The following PGCKA1 variants were observed in gnomAD, a reference collection of about 807,000 sequenced individuals.
PGCKA1 encodes the protein PDCD10 and GCKIII kinases associated 1.
At chr4:37,552,004 C>T in the PGCKA1 span, among the ~76,000 whole-genome samples, 1 of 152,108 alleles carries the variant, frequency 6.6e-6, no homozygotes, top group East Asian at 1.9e-4. Flanking sequence ...GAGATAAACC[C>T]TCTCATATTG....
the PGCKA1 span, among the ~76,000 whole-genome samples, chr4:37,557,689 G>A: frequency 1.3e-3 from 204 of 152,264 alleles, 2 homozygotes; most frequent in Non-Finnish European, 2.2e-3. Flanking sequence ...ATAGTAGATG[G>A]CTTTTGGTTA....
the PGCKA1 span, among the ~76,000 whole-genome samples, chr4:37,511,774 G>A: frequency 1.3e-5 from 2 of 152,186 alleles, no homozygotes; most frequent in South Asian, 4.1e-4. Flanking sequence ...CACTAGTTGG[G>A]TAGGGTACTG....
At chr4:37,503,550 T>C in the PGCKA1 span, among the ~76,000 whole-genome samples, 1 of 152,204 alleles carries the variant, frequency 6.6e-6, no homozygotes, top group Admixed American at 6.5e-5. Flanking sequence ...CTGTTCCTTA[T>C]AGTGGTTGTA....
the PGCKA1 span, among the ~76,000 whole-genome samples, chr4:37,534,375 C>T: frequency 1.3e-5 from 2 of 152,300 alleles, no homozygotes; most frequent in South Asian, 2.1e-4. Flanking sequence ...CTTAAAGCCA[C>T]GCCTTGGACT....
At chr4:37,580,458 G>A in the PGCKA1 span, among the ~76,000 whole-genome samples, 3 of 152,020 alleles carry the variant, frequency 2.0e-5, no homozygotes, top group African/African-American at 7.3e-5. Flanking sequence ...GGACTTGTGT[G>A]TTGTGATCTG....
the PGCKA1 span, among the ~76,000 whole-genome samples, chr4:37,518,454 A>G: frequency 6.6e-6 from 1 of 152,118 alleles, no homozygotes; most frequent in Non-Finnish European, 1.5e-5. Flanking sequence ...TCTTTTTTAT[A>G]CAAGCCATTT....
chr4:37,482,823 C>A, the PGCKA1 span, among the ~76,000 whole-genome samples: 1 of 152,176 alleles, frequency 6.6e-6, no homozygotes, highest in Admixed American at 6.5e-5. Context: ...TGTATCTCAG[C>A]TGCTTAGTTC....
the PGCKA1 span, among the ~76,000 whole-genome samples, chr4:37,563,446 G>A: frequency 8.2e-3 from 1,095 of 133,218 alleles, 4 homozygotes; most frequent in Middle Eastern, 0.022. Flanking sequence ...ATCTTCCCGA[G>A]GTTGCTCAGG....
the PGCKA1 span, among the ~76,000 whole-genome samples, chr4:37,553,368 T>A: frequency 1.3e-5 from 2 of 151,854 alleles, no homozygotes; most frequent in African/African-American, 4.9e-5. Context: ...TTGGAGCTGA[T>A]AAACTTCTTA....
At chr4:37,483,558 T>A in the PGCKA1 span, among the ~76,000 whole-genome samples, 1 of 152,194 alleles carries the variant, frequency 6.6e-6, no homozygotes, top group Non-Finnish European at 1.5e-5. Context: ...TACGGCAAGA[T>A]TTCTATTACT....
the PGCKA1 span, among the ~76,000 whole-genome samples, chr4:37,472,061 C>G: frequency 3.3e-5 from 5 of 152,142 alleles, no homozygotes; most frequent in African/African-American, 4.8e-5. Flanking sequence ...GTTCCTGGAG[C>G]TGTCATCATC....
At chr4:37,478,468 G>A in the PGCKA1 span, among the ~76,000 whole-genome samples, 1 of 152,040 alleles carries the variant, frequency 6.6e-6, no homozygotes, top group African/African-American at 2.4e-5. Flanking sequence ...TTAATTATTT[G>A]GCTGAAGTCC....
At chr4:37,559,737 C>A in the PGCKA1 span, among the ~76,000 whole-genome samples, 1 of 151,942 alleles carries the variant, frequency 6.6e-6, no homozygotes, top group African/African-American at 2.4e-5. Context: ...TGAATACAGA[C>A]CTTCCTTCTC....
chr4:37,523,828 A>G, the PGCKA1 span, among the ~76,000 whole-genome samples: 5 of 152,126 alleles, frequency 3.3e-5, no homozygotes, highest in African/African-American at 1.2e-4. Flanking sequence ...ATGTCCTCAC[A>G]TGGCCTTCCT....
At chr4:37,462,090 A>C in the PGCKA1 span, among the ~76,000 whole-genome samples, 5 of 152,154 alleles carry the variant, frequency 3.3e-5, no homozygotes, top group Non-Finnish European at 7.3e-5. Context: ...ATTCCTTTTC[A>C]TTATAGCAGT....
At chr4:37,466,608 T>A in the PGCKA1 span, among the ~76,000 whole-genome samples, 1 of 152,174 alleles carries the variant, frequency 6.6e-6, no homozygotes, top group Non-Finnish European at 1.5e-5. Flanking sequence ...GATTCTCCTC[T>A]TGAATAAAGT....
chr4:37,541,660 C>T, the PGCKA1 span, among the ~76,000 whole-genome samples: 1 of 152,166 alleles, frequency 6.6e-6, no homozygotes. Context: ...TGTGAAGGAA[C>T]GAAGGAACAG....
chr4:37,564,697 G>A, the PGCKA1 span, among the ~76,000 whole-genome samples: 1 of 151,934 alleles, frequency 6.6e-6, no homozygotes, highest in Non-Finnish European at 1.5e-5. Context: ...AGTAGAGATG[G>A]GGTTTCACCA....
At chr4:37,585,328 AG>A in the PGCKA1 span, among the ~76,000 whole-genome samples, 4 of 50,156 alleles carry the variant, frequency 8.0e-5, 2 homozygotes, top group African/African-American at 4.2e-4. Context: ...GTGTTGAGGG[AG>A]AGGAGGGGAG....
Sources: allele counts gnomAD v4.1 joint callset (sites outside exome capture counted in the v4.1 genomes callset), GRCh38; gene constraint gnomAD v4.1.1; transcripts MANE v1.5; gene names NCBI Gene and HGNC (gene_info 2026-07-23, HGNC 2026-07-21).